The following WDCP variants were observed in gnomAD, a reference collection of about 807,000 sequenced individuals.
WDCP encodes WD repeat and coiled coil containing.
WDCP carries 19 observed loss-of-function variants against 41.6 expected under a neutral mutation model. The observed-to-expected ratio is 0.46, with a 90% CI of 0.32 to 0.67. The LOEUF (loss-of-function observed/expected upper bound fraction) is 0.67. Among genes scored for constraint, WDCP ranks in the 30% least tolerant of loss-of-function variants. WDCP has a pLI of 0.04. For missense variants in WDCP, 802 were observed against 850.7 expected (o/e 0.94, Z 0.71); for synonymous variants, 302 against 320.8 (o/e 0.94, Z 0.63).
chr2:24,040,688 A>G (rs534409905), intron 1 of WDCP, among the ~76,000 whole-genome samples: 1 of 152,330 alleles, frequency 6.6e-6, no homozygotes, highest in Non-Finnish European at 1.5e-5. Flanking sequence ...TTCACCCTGA[A>G]TATTTTTCCC....
In WDCP at chr2:24,031,201, A is replaced by G. The variant is rs766817539; in HGVS notation, c.1937-39T>C. On this transcript the variant is annotated intron_variant, in intron 3 of 3. Transcript: ENST00000295148. ...TAAATACACAGGCAATTTAGTATATATTATTCTTATGATGAAACATATGAC... is the reference window on the plus strand; with the variant it reads ...TAAATACACAGGCAATTTAGTATATGTTATTCTTATGATGAAACATATGAC... 4.8e-6 allele frequency: 7 copies of G among 1,463,632 alleles called. No individual in the cohort carries two copies. The East Asian group carries it at 9.1e-5, about 19-fold the overall frequency. 90.7% of individuals were successfully genotyped at this position (1,463,632 alleles called of 1,614,324 possible). A position where few individuals can be genotyped will look rare whatever the true frequency, so the allele number is the denominator to read the frequency against.
At chr2:24,037,391 C>T (rs957322659) in intron 2 of WDCP, among the ~76,000 whole-genome samples, 1 of 152,208 alleles carries the variant, frequency 6.6e-6, no homozygotes, top group Non-Finnish European at 1.5e-5. Flanking sequence ...AATGAAATAA[C>T]ATGATTTTTT....
rs752899861 is a variant in WDCP at position 24,038,199 on chromosome 2, C to A, written c.1296G>T (p.Met432Ile). The change falls in exon 2 of 4, where the codon ATG (methionine) becomes ATT (isoleucine). Residue 432 changes from methionine (M) to isoleucine (I), a missense_variant. Transcript: ENST00000295148. ...YAISLIVREI[M>I]LEEEPSITSG... ...ATGTTATTGAAGGTTCTTCTTCCAACATTATTTCTCTAACAATCAAGCTAA... is the reference window on the plus strand; with the variant it reads ...ATGTTATTGAAGGTTCTTCTTCCAAAATTATTTCTCTAACAATCAAGCTAA... The A allele has an allele frequency of 6.2e-7, 1 of 1,614,190 alleles. No individual in the cohort carries two copies. The highest frequency in any genetic ancestry group is 8.5e-7 in the Non-Finnish European group (1 of 1,180,036).
rs568065480 is a variant in WDCP, at chr2:24,039,691, T to C, written c.-18-179A>G. On this transcript the variant is annotated intron_variant, in intron 1 of 3. Transcript: ENST00000295148. ...AGCTATCAGGCAAATGCAATGTATA[T>C]ACTTTGGATCTTGAAGAAATAAAAT... Among the ~76,000 whole-genome samples the C allele has an allele frequency of 7.9e-5, 12 of 152,346 alleles. No individual in the cohort carries two copies. In the East Asian group the frequency reaches 2.1e-3, roughly 27 times the overall value.
chr2:24,040,782 T>C lies in WDCP; in HGVS notation c.-18-1270A>G, dbSNP rs545645532. On this transcript the variant is annotated intron_variant, in intron 1 of 3. Coordinates refer to ENST00000295148, the MANE Select transcript of WDCP (RefSeq NM_025203.3). Reference sequence around the variant, plus strand: ...CTATAATCCCAGTACTTTGGGAGGCTGAGACGGGAGGATCACCTGAGGTTG... The same window carrying C: ...CTATAATCCCAGTACTTTGGGAGGCCGAGACGGGAGGATCACCTGAGGTTG... 9.8e-5 allele frequency among the ~76,000 whole-genome samples: 15 copies of C among 152,340 alleles called. No individual in the cohort carries two copies. In the East Asian group the frequency reaches 2.9e-3, roughly 29 times the overall value.
chr2:24,040,811 G>C (rs141220738), intron 1 of WDCP, among the ~76,000 whole-genome samples: 2 of 152,128 alleles, frequency 1.3e-5, no homozygotes, highest in East Asian at 3.9e-4. Context: ...GAGGTTGGGA[G>C]TTCGATCCCA....
intron 2 of WDCP, 155 bp from the exon 3 acceptor site, chr2:24,033,101 T>G: frequency 1.4e-6 from 1 of 707,826 alleles, no homozygotes; most frequent in Non-Finnish European, 2.6e-6. Context: ...TGCTGCATTA[T>G]TTAACACAAC....
chr2:24,038,594 T>C lies in WDCP; in HGVS notation c.901A>G (p.Ile301Val), dbSNP rs749223441. ...NQHKSEGNSL[I>V]CLRKKDYLTG... The stretch of plus-strand genomic sequence containing the variant: ...AAGTAGTCCTTTTTTCTTAGACAAA[T>C]AAGAGAATTACCCTCAGACTTATGT... The change falls in exon 2 of 4, where the codon ATT (isoleucine) becomes GTT (valine). Residue 301 changes from isoleucine (I) to valine (V), a missense_variant. By Grantham distance (29) the Ile-to-Val change is conservative. Transcript: ENST00000295148. The C allele has an allele frequency of 1.2e-6, 2 of 1,613,878 alleles. No individual in the cohort carries two copies. The highest frequency in any genetic ancestry group is 2.7e-5 in the African/African-American group (2 of 74,910).
rs1663060421 is a variant in WDCP, at chr2:24,030,096, G to A, written c.*837C>T. The A allele has an allele frequency of 6.6e-6, 1 of 152,180 alleles. No homozygotes were observed. The highest frequency in any genetic ancestry group is 2.4e-5 in the African/African-American group (1 of 41,362). 9.4% of individuals were successfully genotyped at this position (152,180 alleles called of 1,614,324 possible). A position where few individuals can be genotyped will look rare whatever the true frequency, so the allele number is the denominator to read the frequency against. ...AAGTTAACTAAGGGAGCTGACTACT[G>A]GGAGAAAAATAGGAAAGTTGCGTGA... On this transcript the variant is annotated 3_prime_UTR_variant, in exon 4 of 4. Coordinates refer to ENST00000295148, the MANE Select transcript of WDCP (RefSeq NM_025203.3).
At position 24,038,803 on chromosome 2, in the gene WDCP, A is replaced by C. The variant is rs778066997; in HGVS notation, c.692T>G (p.Leu231Ter). ...TELPLDKICG[L>*]NASETFNIPP... Reference sequence around the variant, plus strand: ...GATATTAAAGGTTTCAGATGCATTTAAGCCACAGATCTTATCCAATGGAAG... The same window carrying C: ...GATATTAAAGGTTTCAGATGCATTTCAGCCACAGATCTTATCCAATGGAAG... Residue 231 changes from leucine (L) to a stop codon, truncating the protein, a stop_gained, in exon 2 of 4, where the codon TTA becomes TGA. Transcript: ENST00000295148. LOFTEE classifies it high-confidence loss of function. 2 of 1,614,220 alleles carry C rather than the reference A, an allele frequency of 1.2e-6. No individual in the cohort carries two copies. The highest frequency in any genetic ancestry group is 2.2e-5 in the South Asian group (2 of 91,084).
At chr2:24,032,215 T>A (rs1365662357) in intron 3 of WDCP, among the ~76,000 whole-genome samples, 1 of 151,812 alleles carries the variant, frequency 6.6e-6, no homozygotes, top group Non-Finnish European at 1.5e-5. Flanking sequence ...TCTACAAACA[T>A]TTTTTTTAAA....
chr2:24,042,709 C>CA (rs544160920), intron 1 of WDCP, among the ~76,000 whole-genome samples: 25,848 of 140,476 alleles, frequency 0.18, 3,130 homozygotes, highest in African/African-American at 0.36. Context: ...AACTCTGTCT[C>CA]AAAAAAAAAA....
At chr2:24,041,498 A>T (rs1010200028) in intron 1 of WDCP, among the ~76,000 whole-genome samples, 3 of 151,986 alleles carry the variant, frequency 2.0e-5, no homozygotes, top group South Asian at 2.1e-4. Context: ...AGGATTTTAC[A>T]TGTTATGGCT....
At position 24,039,048 on chromosome 2, in the gene WDCP, T is replaced by TAAAGGCAGAC; in HGVS notation, c.446_447insGTCTGCCTTT (p.Lys150SerfsTer55). 1 of 1,614,178 alleles carries TAAAGGCAGAC rather than the reference T, an allele frequency of 6.2e-7. No homozygotes were observed. Among genetic ancestry groups the TAAAGGCAGAC allele is most frequent in the Non-Finnish European group, 8.5e-7 (1 of 1,180,046 alleles). On this transcript the variant is annotated frameshift_variant, in exon 2 of 4. Transcript: ENST00000295148. LOFTEE classifies it high-confidence loss of function. ...GGCCCTGGGTGTTGATGTCTGCCTT[T>TAAAGGCAGAC]ACCTGGGAATCATCAGAGTGAACAT...
intron 2 of WDCP, among the ~76,000 whole-genome samples, chr2:24,034,753 T>C (rs1663191694): frequency 6.6e-6 from 1 of 151,950 alleles, no homozygotes; most frequent in Non-Finnish European, 1.5e-5. Context: ...TTTGTATTTT[T>C]CGGTAGAGAC....
At chr2:24,044,602 T>C (rs1039873968) in intron 1 of WDCP, among the ~76,000 whole-genome samples, 34 of 152,240 alleles carry the variant, frequency 2.2e-4, no homozygotes, top group Admixed American at 8.5e-4. Flanking sequence ...AATTTTAATA[T>C]TGTCATCTTC....
At chr2:24,044,350 A>T (rs1166186967) in intron 1 of WDCP, among the ~76,000 whole-genome samples, 3 of 152,062 alleles carry the variant, frequency 2.0e-5, no homozygotes, top group Non-Finnish European at 4.4e-5. Context: ...GCTCACTGCA[A>T]CCTCTGCTTC....
Position 24,030,825 on chromosome 2 carries a change from G to T in WDCP, c.*108C>A. 1.2e-6 allele frequency: 1 copy of T among 828,324 alleles called. No individual in the cohort carries two copies. Among genetic ancestry groups the T allele is most frequent in the Non-Finnish European group, 1.9e-6 (1 of 519,708 alleles). 51.3% of individuals were successfully genotyped at this position (828,324 alleles called of 1,614,324 possible). ...ACCAGGAGAGCCGACCATGGCAAGC[G>T]CTTCGCCTGAGTGCAGTGGGAGTCT... On this transcript the variant is annotated 3_prime_UTR_variant, in exon 4 of 4. Coordinates refer to ENST00000295148, the MANE Select transcript of WDCP (RefSeq NM_025203.3).
At chr2:24,042,803 C>T (rs923396330) in intron 1 of WDCP, among the ~76,000 whole-genome samples, 4 of 151,914 alleles carry the variant, frequency 2.6e-5, no homozygotes, top group Non-Finnish European at 5.9e-5. Flanking sequence ...GAGGCCGAGG[C>T]GGGCAGATCA....
Sources: gnomAD v4.1 joint callset for allele counts (sites outside exome capture counted in the v4.1 genomes callset) on GRCh38, gnomAD v4.1.1 for gene constraint, MANE v1.5 for transcripts, NCBI Gene and HGNC (gene_info 2026-07-23, HGNC 2026-07-21) for gene names.